The following GRIN2A variants were observed in gnomAD, a reference collection of about 807,000 sequenced individuals.
The protein encoded by GRIN2A is glutamate ionotropic receptor NMDA type subunit 2A.
In GRIN2A, 22 loss-of-function variants were observed where a neutral mutation model predicts 113.4. The ratio of observed to expected loss-of-function variants is 0.19; its 90% CI spans 0.14 to 0.28. The LOEUF (loss-of-function observed/expected upper bound fraction) is 0.28, where lower values mean the gene tolerates loss of function less well. Ranked by LOEUF, GRIN2A falls within the 10% of genes least tolerant of loss-of-function variation. The pLI, the probability that GRIN2A is intolerant of heterozygous loss-of-function variation, is 1.00. For synonymous variants in GRIN2A, 827 were observed against 738.4 expected, an observed-to-expected ratio of 1.12 and a Z score of -1.94; for missense variants, 1,502 against 1,887.0, an observed-to-expected ratio of 0.80 and a Z score of 3.78.
At chr16:10,094,321 G>A (rs1194584555) in intron 2 of GRIN2A, among the ~76,000 whole-genome samples, 1 of 152,198 alleles carries the variant, frequency 6.6e-6, no homozygotes, top group African/African-American at 2.4e-5. Context: ...CGCCTGCTGT[G>A]TGACTTTGAG....
At chr16:10,150,332 A>G (rs1031426229) in intron 2 of GRIN2A, among the ~76,000 whole-genome samples, 5 of 152,196 alleles carry the variant, frequency 3.3e-5, no homozygotes, top group Admixed American at 6.5e-5. Flanking sequence ...AAATCCCACT[A>G]GGAAATAGCA....
chr16:10,042,752 G>A (rs2047187616), intron 2 of GRIN2A, among the ~76,000 whole-genome samples: 1 of 152,162 alleles, frequency 6.6e-6, no homozygotes, highest in South Asian at 2.1e-4. Context: ...TGGGATGGAG[G>A]CGGCATGGGG....
rs372251582 is a variant in GRIN2A, at chr16:9,989,871, G to C, written c.415-51320C>G. ...TCCAGTCAGAATGGCTATTATTAAA[G>C]AATCAGAAATAACAAATGTTGGCAA... On this transcript the variant is annotated intron_variant, in intron 2 of 12. Coordinates refer to ENST00000330684, the MANE Select transcript of GRIN2A (RefSeq NM_001134407.3). Among the ~76,000 whole-genome samples, 13 of 152,210 alleles carry C rather than the reference G, an allele frequency of 8.5e-5. No individual in the cohort carries two copies. The East Asian group carries it at 2.3e-3, about 27-fold the overall frequency.
chr16:9,803,446 C>T (rs926071621), intron 10 of GRIN2A, among the ~76,000 whole-genome samples: 2 of 151,858 alleles, frequency 1.3e-5, no homozygotes, highest in Admixed American at 1.3e-4. Context: ...AAAATGGAGC[C>T]AACAATATTT....
intron 2 of GRIN2A, among the ~76,000 whole-genome samples, chr16:10,156,006 A>G (rs1490454107): frequency 6.6e-6 from 1 of 152,220 alleles, no homozygotes; most frequent in Non-Finnish European, 1.5e-5. Flanking sequence ...GCAAGAATAA[A>G]TAATCGCACA....
At chr16:9,909,887 A>G (rs1460122481) in intron 3 of GRIN2A, among the ~76,000 whole-genome samples, 1 of 152,224 alleles carries the variant, frequency 6.6e-6, no homozygotes, top group African/African-American at 2.4e-5. Flanking sequence ...AAAAAGTACT[A>G]TGTTAACAAT....
In GRIN2A at chr16:10,085,737, G is replaced by A. The variant is rs535156524; in HGVS notation, c.414+94261C>T. On this transcript the variant is annotated intron_variant, in intron 2 of 12. Transcript: ENST00000330684. ...AAGCCAAATGATGGTTAGCAAGGGAGAGGATATAATGTGGTAAGTCTGAGC... is the reference window on the plus strand; with the variant it reads ...AAGCCAAATGATGGTTAGCAAGGGAAAGGATATAATGTGGTAAGTCTGAGC... 7.9e-5 allele frequency among the ~76,000 whole-genome samples: 12 copies of A among 152,310 alleles called. No homozygotes were observed. The East Asian group carries it at 2.1e-3, about 27-fold the overall frequency.
chr16:10,076,239 C>A (rs1462164268), intron 2 of GRIN2A, among the ~76,000 whole-genome samples: 2 of 152,038 alleles, frequency 1.3e-5, no homozygotes, highest in Admixed American at 1.3e-4. Context: ...GTTTGTTTAC[C>A]CTCTTTCCTG....
At chr16:9,849,210 T>C (rs932589524) in intron 5 of GRIN2A, among the ~76,000 whole-genome samples, 1 of 144,392 alleles carries the variant, frequency 6.9e-6, no homozygotes, top group African/African-American at 2.5e-5. Context: ...ATATAATTTC[T>C]ATATATTTAT....
chr16:9,899,169 T>A (rs2043866432), intron 3 of GRIN2A, among the ~76,000 whole-genome samples: 1 of 152,024 alleles, frequency 6.6e-6, no homozygotes, highest in Non-Finnish European at 1.5e-5. Flanking sequence ...CCAGGCGCGG[T>A]GGCTCGCACC....
chr16:9,916,836 TC>T (rs1196978795), intron 3 of GRIN2A, among the ~76,000 whole-genome samples: 3 of 152,318 alleles, frequency 2.0e-5, no homozygotes, highest in Non-Finnish European at 4.4e-5. Flanking sequence ...AAAGGAATTT[TC>T]TTCTGGGGAG....
intron 4 of GRIN2A, among the ~76,000 whole-genome samples, chr16:9,880,409 A>T (rs2043454619): frequency 6.6e-6 from 1 of 152,126 alleles, no homozygotes; most frequent in South Asian, 2.1e-4. Flanking sequence ...AAAACCCACG[A>T]TTACTTTTGC....
intron 10 of GRIN2A, among the ~76,000 whole-genome samples, chr16:9,817,042 T>TATC (rs1030270288): frequency 9.2e-5 from 14 of 152,214 alleles, no homozygotes; most frequent in Admixed American, 2.0e-4. Context: ...ATAATTTCTT[T>TATC]ATCTCCATTT....
At chr16:10,074,391 G>C (rs1395044709) in intron 2 of GRIN2A, among the ~76,000 whole-genome samples, 1 of 152,178 alleles carries the variant, frequency 6.6e-6, no homozygotes, top group African/African-American at 2.4e-5. Context: ...ATATACCCAA[G>C]AGAACTGAAA....
chr16:10,140,936 G>A (rs2049314606), intron 2 of GRIN2A, among the ~76,000 whole-genome samples: 1 of 152,180 alleles, frequency 6.6e-6, no homozygotes, highest in South Asian at 2.1e-4. Context: ...GCTCCTGCCT[G>A]TAATCCCAGA....
At chr16:10,109,409 C>A (rs1309903988) in intron 2 of GRIN2A, among the ~76,000 whole-genome samples, 2 of 151,754 alleles carry the variant, frequency 1.3e-5, no homozygotes, top group Non-Finnish European at 2.9e-5. Flanking sequence ...CAATACTTCC[C>A]AATTCATGTT....
chr16:10,080,710 T>A (rs902917306), intron 2 of GRIN2A, among the ~76,000 whole-genome samples: 9 of 152,158 alleles, frequency 5.9e-5, no homozygotes, highest in Admixed American at 4.6e-4. Flanking sequence ...AATATCACCC[T>A]CACCTTGTAT....
At chr16:9,964,661 A>T (rs2045515544) in intron 2 of GRIN2A, among the ~76,000 whole-genome samples, 1 of 152,058 alleles carries the variant, frequency 6.6e-6, no homozygotes, top group African/African-American at 2.4e-5. Context: ...CTTCATCTTC[A>T]AGCCAGCACC....
chr16:9,815,413 C>CAAAAAAAAAAAAAAAAAAAA (rs71157786), intron 10 of GRIN2A, among the ~76,000 whole-genome samples: 1 of 111,920 alleles, frequency 8.9e-6, no homozygotes, highest in African/African-American at 3.1e-5. Context: ...TAACAACAAC[C>CAAAAAAAAAAAAAAAAAAAA]AAAAAAAAAA....
Sources: gnomAD v4.1 joint callset for allele counts (sites outside exome capture counted in the v4.1 genomes callset) on GRCh38, gnomAD v4.1.1 for gene constraint, MANE v1.5 for transcripts, NCBI Gene and HGNC (gene_info 2026-07-23, HGNC 2026-07-21) for gene names.